The following TMEM158 variants were observed in gnomAD, a reference collection of about 807,000 sequenced individuals.
TMEM158 encodes transmembrane protein 158.
Under a neutral mutation model 12.0 loss-of-function variants are expected in TMEM158, and 7 were observed. The ratio of observed to expected loss-of-function variants is 0.59; its 90% CI spans 0.33 to 1.10. TMEM158 has a LOEUF of 1.10. Among genes scored for constraint, TMEM158 ranks in the 50% least tolerant of loss-of-function variants. The pLI is 0.03. For missense variants in TMEM158, 405 were observed against 454.7 expected, an observed-to-expected ratio of 0.89 and a Z score of 0.99; for synonymous variants, 209 against 231.1, an observed-to-expected ratio of 0.90 and a Z score of 0.87.
In TMEM158 at chr3:45,225,030, G is replaced by A; in HGVS notation, c.*95C>T. On this transcript the variant is annotated 3_prime_UTR_variant, in exon 1 of 1. Coordinates refer to ENST00000503771, the MANE Select transcript of TMEM158 (RefSeq NM_015444.3). The surrounding 1 kb of genome is among the most constrained non-coding windows in gnomAD (Gnocchi z 5.7). ...CCCCATCTCGGGAAGAGGAACTAACGATAACTACAGCACGAAGCACACCGG... is the reference window on the plus strand; with the variant it reads ...CCCCATCTCGGGAAGAGGAACTAACAATAACTACAGCACGAAGCACACCGG... 4 of 1,198,654 alleles carry A rather than the reference G, an allele frequency of 3.3e-6. No homozygotes were observed. The highest frequency in any genetic ancestry group is 4.1e-6 in the Non-Finnish European group (4 of 966,500). 74.3% of individuals were successfully genotyped at this position (1,198,654 alleles called of 1,614,324 possible).
Position 45,225,064 on chromosome 3 carries a change from C to G in TMEM158, c.*61G>C. Reference sequence around the variant, plus strand: ...AGCACGAAGCACACCGGCCGAGTCTCCGGCGGGAAAGGCACCCGCGCGCGC... The same window carrying G: ...AGCACGAAGCACACCGGCCGAGTCTGCGGCGGGAAAGGCACCCGCGCGCGC... On this transcript the variant is annotated 3_prime_UTR_variant, in exon 1 of 1. Transcript: ENST00000503771. This position sits in a 1 kb window ranked among gnomAD's most constrained non-coding sequence, Gnocchi z 5.7. The G allele has an allele frequency of 8.2e-7, 1 of 1,225,764 alleles. No individual in the cohort carries two copies. The highest frequency in any genetic ancestry group is 1.0e-6 in the Non-Finnish European group (1 of 985,206). 75.9% of individuals were successfully genotyped at this position (1,225,764 alleles called of 1,614,324 possible). A position where few individuals can be genotyped will look rare whatever the true frequency, so the allele number is the denominator to read the frequency against.
At position 45,225,679 on chromosome 3, in the gene TMEM158, AGGC is replaced by A. The variant is rs1471417032; in HGVS notation, c.346_348del (p.Ala116del). ...AGCAGCGGCGGCCCGACGCGGTGGA[AGGC>A]GGCGGCGAAGAAAGCGCGGCCGTGC... On this transcript the variant is annotated inframe_deletion, in exon 1 of 1. Coordinates refer to ENST00000503771, the MANE Select transcript of TMEM158 (RefSeq NM_015444.3). The surrounding 1 kb of genome is among the most constrained non-coding windows in gnomAD (Gnocchi z 5.7). 1 of 1,457,484 alleles carries A rather than the reference AGGC, an allele frequency of 6.9e-7. No homozygotes were observed. The highest frequency in any genetic ancestry group is 1.5e-5 in the African/African-American group (1 of 66,752). 90.3% of individuals were successfully genotyped at this position (1,457,484 alleles called of 1,614,324 possible). A position where few individuals can be genotyped will look rare whatever the true frequency, so the allele number is the denominator to read the frequency against.
chr3:45,225,875 C>A lies in TMEM158; in HGVS notation c.153G>T (p.Leu51=). 1 of 1,219,172 alleles carries A rather than the reference C, an allele frequency of 8.2e-7. No homozygotes were observed. Among genetic ancestry groups the A allele is most frequent in the South Asian group, 3.4e-5 (1 of 29,016 alleles). 75.5% of individuals were successfully genotyped at this position (1,219,172 alleles called of 1,614,324 possible). A position where few individuals can be genotyped will look rare whatever the true frequency, so the allele number is the denominator to read the frequency against. ...SADEPIAPRL[L]ASAAPGPPER... ...CGGGGGGCCCGGGGGCCGCCGAGGC[C>A]AGCAGCCGCGGGGCGATGGGCTCGT... The change falls in exon 1 of 1, where the codon CTG becomes CTT. Residue 51 remains leucine, a synonymous_variant. Transcript: ENST00000503771. The surrounding 1 kb of genome is among the most constrained non-coding windows in gnomAD (Gnocchi z 5.7).
Position 45,225,977 on chromosome 3 carries a change from G to C in TMEM158, c.51C>G (p.Pro17=). 5.5e-6 allele frequency: 6 copies of C among 1,095,124 alleles called. No individual in the cohort carries two copies. Among genetic ancestry groups the C allele is most frequent in the Non-Finnish European group, 6.6e-6 (6 of 903,582 alleles). 67.8% of individuals were successfully genotyped at this position (1,095,124 alleles called of 1,614,324 possible). A position where few individuals can be genotyped will look rare whatever the true frequency, so the allele number is the denominator to read the frequency against. The change falls in exon 1 of 1, where the codon CCC becomes CCG. Residue 17 remains proline, a synonymous_variant. Coordinates refer to ENST00000503771, the MANE Select transcript of TMEM158 (RefSeq NM_015444.3). This position sits in a 1 kb window ranked among gnomAD's most constrained non-coding sequence, Gnocchi z 5.7. ...GCGCGTCCGCGGCCCCGCCGCGGAC[G>C]GGCGGCAGCGGGCAGGCGGCGGCCA... ...ALLAAACPLP[P]VRGGAADAPG...
rs1700154316 is a variant in TMEM158, at chr3:45,225,854, G to A, written c.174C>T (p.Pro58=). 9 of 1,233,008 alleles carry A rather than the reference G, an allele frequency of 7.3e-6. No individual in the cohort carries two copies. Among genetic ancestry groups the A allele is most frequent in the Non-Finnish European group, 7.1e-6 (7 of 991,188 alleles). The allele number at this position is 1,233,008 out of a possible 1,614,324, so 76.4% of individuals were successfully genotyped here. Residue 58 remains proline (P), a synonymous_variant, in exon 1 of 1, where the codon CCC becomes CCT. Transcript: ENST00000503771. The surrounding 1 kb of genome is among the most constrained non-coding windows in gnomAD (Gnocchi z 5.7). ...PRLLASAAPG[P]PERPGPEEAA... ...CCTCCTCCGGGCCCGGGCGCTCGGG[G>A]GGCCCGGGGGCCGCCGAGGCCAGCA... is the stretch of plus-strand genomic sequence containing the variant.
In TMEM158 at chr3:45,225,327, A is replaced by G; in HGVS notation, c.701T>C (p.Val234Ala). ...GATGAGGGCGGCCACGCTCCACACC[A>G]CGATGACCAGGGTCATGAAGCAGGC... Reference protein sequence around the residue: ...LVACFMTLVIVVWSVAALIWP... With the variant: ...LVACFMTLVIAVWSVAALIWP... The change falls in exon 1 of 1, where the codon GTG (valine) becomes GCG (alanine). Residue 234 changes from valine (V) to alanine (A), a missense_variant. Physicochemically the swap from Val to Ala is moderately conservative, Grantham distance 64. Transcript: ENST00000503771. The surrounding 1 kb of genome is among the most constrained non-coding windows in gnomAD (Gnocchi z 5.7). The G allele has an allele frequency of 6.6e-7, 1 of 1,521,330 alleles. No individual in the cohort carries two copies. 94.2% of individuals were successfully genotyped at this position (1,521,330 alleles called of 1,614,324 possible). A position where few individuals can be genotyped will look rare whatever the true frequency, so the allele number is the denominator to read the frequency against.
At position 45,225,182 on chromosome 3, in the gene TMEM158, G is replaced by A; in HGVS notation, c.846C>T (p.Ala282=). Residue 282 remains alanine, a synonymous_variant, in exon 1 of 1, where the codon GCC becomes GCT. Coordinates refer to ENST00000503771, the MANE Select transcript of TMEM158 (RefSeq NM_015444.3). This position sits in a 1 kb window ranked among gnomAD's most constrained non-coding sequence, Gnocchi z 5.7. ...AVPAGTTAAA[A]AAAAAAAAAA... ...CGGCGGCGGCGGCAGCGGCGGCGGC[G>A]GCGGCGGCTGCGGTGGTCCCTGCGG... 7.9e-7 allele frequency: 1 copy of A among 1,268,098 alleles called. No homozygotes were observed. The highest frequency in any genetic ancestry group is 9.9e-7 in the Non-Finnish European group (1 of 1,011,016). 78.6% of individuals were successfully genotyped at this position (1,268,098 alleles called of 1,614,324 possible).
Position 45,226,101 on chromosome 3 carries a change from C to T in TMEM158, c.-74G>A, listed in dbSNP as rs1292536709. 1 of 980,982 alleles carries T rather than the reference C, an allele frequency of 1.0e-6. No homozygotes were observed. Among genetic ancestry groups the T allele is most frequent in the Non-Finnish European group, 1.2e-6 (1 of 828,414 alleles). 60.8% of individuals were successfully genotyped at this position (980,982 alleles called of 1,614,324 possible). ...CGAGCGGGCGACGGGCCGGCGAGCTCACGGTGGGACCGCGGGAGCCGGCGG... is the reference window on the plus strand; with the variant it reads ...CGAGCGGGCGACGGGCCGGCGAGCTTACGGTGGGACCGCGGGAGCCGGCGG... On this transcript the variant is annotated 5_prime_UTR_variant, in exon 1 of 1. Transcript: ENST00000503771.
chr3:45,225,391 A>T lies in TMEM158; in HGVS notation c.637T>A (p.Trp213Arg). 1 of 1,497,084 alleles carries T rather than the reference A, an allele frequency of 6.7e-7. No homozygotes were observed. The highest frequency in any genetic ancestry group is 9.0e-7 in the Non-Finnish European group (1 of 1,117,028). 92.7% of individuals were successfully genotyped at this position (1,497,084 alleles called of 1,614,324 possible). ...SLEELQGEPG[W>R]RLNRKPIEST... is the part of the protein sequence containing the mutation. ...TCAATGGGCTTACGGTTCAGCCGCCAGCCCGGCTCGCCCTGCAGCTCCTCC... is the reference window on the plus strand; with the variant it reads ...TCAATGGGCTTACGGTTCAGCCGCCTGCCCGGCTCGCCCTGCAGCTCCTCC... The change falls in exon 1 of 1, where the codon TGG (tryptophan) becomes AGG (arginine). Residue 213 changes from tryptophan (W) to arginine (R), a missense_variant. Transcript: ENST00000503771. The surrounding 1 kb of genome is among the most constrained non-coding windows in gnomAD (Gnocchi z 5.7).
In TMEM158 at chr3:45,225,962, GGCCCCGCCGCGGAC is replaced by G; in HGVS notation, c.52_65del (p.Val18ArgfsTer196). The G allele has an allele frequency of 8.9e-7, 1 of 1,128,410 alleles. No homozygotes were observed. The highest frequency in any genetic ancestry group is 1.1e-6 in the Non-Finnish European group (1 of 924,362). 69.9% of individuals were successfully genotyped at this position (1,128,410 alleles called of 1,614,324 possible). A position where few individuals can be genotyped will look rare whatever the true frequency, so the allele number is the denominator to read the frequency against. On this transcript the variant is annotated frameshift_variant, in exon 1 of 1. Coordinates refer to ENST00000503771, the MANE Select transcript of TMEM158 (RefSeq NM_015444.3). LOFTEE classifies it high-confidence loss of function. This position sits in a 1 kb window ranked among gnomAD's most constrained non-coding sequence, Gnocchi z 5.7. The stretch of plus-strand genomic sequence containing the variant: ...CCCCGAGGAGGCCGGGCGCGTCCGC[GGCCCCGCCGCGGAC>G]GGGCGGCAGCGGGCAGGCGGCGGCC...
Sources: allele counts gnomAD v4.1 joint callset, GRCh38; gene constraint gnomAD v4.1.1; non-coding constraint Gnocchi (gnomAD v3.1); transcripts MANE v1.5; gene names NCBI Gene and HGNC (gene_info 2026-07-23, HGNC 2026-07-21).